The following ARFIP1 variants were observed in gnomAD, a reference collection of about 807,000 sequenced individuals.
The protein encoded by ARFIP1 is arfaptin-1.
A neutral mutation model predicts 42.5 loss-of-function variants in ARFIP1; 24 were observed. That is an observed-to-expected ratio of 0.57 (90% CI 0.41 to 0.80). ARFIP1 has a LOEUF of 0.80. ARFIP1 is among the 30% of genes least tolerant of loss of function. The probability of loss-of-function intolerance (pLI) is 0.00; values close to 1 mark genes in which losing one functional copy is unlikely to be tolerated. For missense variants in ARFIP1, 354 were observed against 434.0 expected (o/e 0.82, Z 1.64); for synonymous variants, 141 against 153.7 (o/e 0.92, Z 0.61).
chr4:152,907,933 A>G (rs909692943), intron 8 of ARFIP1, among the ~76,000 whole-genome samples: 1 of 152,202 alleles, frequency 6.6e-6, no homozygotes, highest in Non-Finnish European at 1.5e-5. Flanking sequence ...GGGCATTTAT[A>G]TCTTTCATTT....
At chr4:152,876,728 G>C (rs1168202121) in intron 5 of ARFIP1, among the ~76,000 whole-genome samples, 1 of 152,226 alleles carries the variant, frequency 6.6e-6, no homozygotes, top group East Asian at 1.9e-4. Context: ...CAGGCCTGGA[G>C]GCCCAGGAGG....
At chr4:152,873,182 C>G (rs1420227795) in intron 5 of ARFIP1, among the ~76,000 whole-genome samples, 2 of 152,130 alleles carry the variant, frequency 1.3e-5, no homozygotes, top group Admixed American at 6.5e-5. Context: ...TTAACAGGGA[C>G]AAGACTGTAG....
intron 5 of ARFIP1, among the ~76,000 whole-genome samples, chr4:152,877,992 G>A (rs377426403): frequency 1.3e-5 from 2 of 152,102 alleles, no homozygotes; most frequent in Non-Finnish European, 2.9e-5. Flanking sequence ...CATGAAAATG[G>A]ACTAATACAC....
At chr4:152,855,258 A>G (rs1733331610) in intron 2 of ARFIP1, among the ~76,000 whole-genome samples, 1 of 151,972 alleles carries the variant, frequency 6.6e-6, no homozygotes, top group Non-Finnish European at 1.5e-5. Context: ...TGGCCCCCAG[A>G]CTATGTGTTC....
chr4:152,824,111 C>CA (rs1730617911), intron 1 of ARFIP1, among the ~76,000 whole-genome samples: 1 of 151,640 alleles, frequency 6.6e-6, no homozygotes, highest in African/African-American at 2.4e-5. Flanking sequence ...CCAGGAGTTC[C>CA]AGACCAGCCT....
chr4:152,890,659 G>C (rs771862611), intron 8 of ARFIP1, among the ~76,000 whole-genome samples: 1 of 152,084 alleles, frequency 6.6e-6, no homozygotes, highest in African/African-American at 2.4e-5. Context: ...ACGGGGTAAG[G>C]GTAAAGGATT....
chr4:152,824,811 C>G (rs1730685601), intron 1 of ARFIP1, among the ~76,000 whole-genome samples: 1 of 152,124 alleles, frequency 6.6e-6, no homozygotes, highest in Non-Finnish European at 1.5e-5. Context: ...CTCCAGAAGA[C>G]TCCTCAATCA....
chr4:152,855,347 A>T (rs143387761), intron 2 of ARFIP1, among the ~76,000 whole-genome samples: 61 of 151,980 alleles, frequency 4.0e-4, no homozygotes, highest in African/African-American at 1.3e-3. Flanking sequence ...CAGGTGTGCT[A>T]GCTGTGGTGG....
intron 2 of ARFIP1, among the ~76,000 whole-genome samples, chr4:152,847,449 A>T (rs1457579424): frequency 6.6e-6 from 1 of 152,046 alleles, no homozygotes; most frequent in South Asian, 2.1e-4. Context: ...TTTTATTAAG[A>T]TGGGGCAGCA....
intron 1 of ARFIP1, among the ~76,000 whole-genome samples, chr4:152,790,702 T>C (rs1731094281): frequency 6.6e-6 from 1 of 151,912 alleles, no homozygotes; most frequent in African/African-American, 2.4e-5. Context: ...TTTCTATTTT[T>C]GAATTATCTA....
intron 4 of ARFIP1, 93 bp downstream of exon 4, chr4:152,870,941 A>G: frequency 9.3e-7 from 1 of 1,076,414 alleles, no homozygotes; most frequent in South Asian, 1.6e-5. Flanking sequence ...TTATATTCTT[A>G]GGTGTGTGTG....
At chr4:152,832,296 C>A (rs1039797986) in intron 2 of ARFIP1, among the ~76,000 whole-genome samples, 2 of 152,060 alleles carry the variant, frequency 1.3e-5, no homozygotes, top group Admixed American at 6.6e-5. Flanking sequence ...TAATGGTATC[C>A]CATTGTGGTT....
At chr4:152,886,012 G>C (rs990417017) in intron 7 of ARFIP1, among the ~76,000 whole-genome samples, 5 of 151,992 alleles carry the variant, frequency 3.3e-5, no homozygotes, top group African/African-American at 1.2e-4. Context: ...AGAGCCAAAA[G>C]GCAGAGAGGT....
intron 1 of ARFIP1, among the ~76,000 whole-genome samples, chr4:152,793,342 AAT>A (rs78753575): frequency 6.1e-5 from 9 of 147,926 alleles, no homozygotes; most frequent in African/African-American, 2.2e-4. Flanking sequence ...ATATATATAT[AAT>A]ATATATATAA....
intron 8 of ARFIP1, among the ~76,000 whole-genome samples, chr4:152,906,102 C>T (rs947225281): frequency 1.3e-5 from 2 of 152,146 alleles, no homozygotes; most frequent in African/African-American, 4.8e-5. Flanking sequence ...AGCCCTGACA[C>T]TTGGGCCCAT....
At chr4:152,837,164 T>TTA (rs1731720206) in intron 2 of ARFIP1, among the ~76,000 whole-genome samples, 1 of 152,198 alleles carries the variant, frequency 6.6e-6, no homozygotes, top group African/African-American at 2.4e-5. Context: ...CACAGTTTCT[T>TTA]TATATACTCA....
intron 2 of ARFIP1, among the ~76,000 whole-genome samples, chr4:152,835,354 G>C (rs1731566511): frequency 6.6e-6 from 1 of 152,190 alleles, no homozygotes. Context: ...TCTTCTGCCA[G>C]ATAACCTAAT....
At chr4:152,875,378 T>TTAA (rs1172740961) in intron 5 of ARFIP1, among the ~76,000 whole-genome samples, 2 of 100,162 alleles carry the variant, frequency 2.0e-5, no homozygotes, top group Non-Finnish European at 2.2e-5. Flanking sequence ...TCTTTTTTTA[T>TTAA]AAAAAAAAAA....
chr4:152,889,513 A>ATATG (rs1736546892), intron 8 of ARFIP1, among the ~76,000 whole-genome samples: 1 of 73,764 alleles, frequency 1.4e-5, no homozygotes, highest in South Asian at 5.0e-4. Context: ...ATATATATAT[A>ATATG]TATATATATA....
Sources: allele counts gnomAD v4.1 joint callset (sites outside exome capture counted in the v4.1 genomes callset), GRCh38; gene constraint gnomAD v4.1.1; transcripts MANE v1.5; gene names NCBI Gene and HGNC (gene_info 2026-07-23, HGNC 2026-07-21).